The following CCNH variants were observed in gnomAD, a reference collection of about 807,000 sequenced individuals.
CCNH encodes the protein cyclin H.
A neutral mutation model predicts 41.9 loss-of-function variants in CCNH; 31 were observed. The ratio of observed to expected loss-of-function variants is 0.74; its 90% confidence interval spans 0.56 to 1.00. The LOEUF (loss-of-function observed/expected upper bound fraction) is 1.00, where lower values mean the gene tolerates loss of function less well. CCNH is among the 50% of genes least tolerant of loss of function. The probability of loss-of-function intolerance (pLI) is 0.00; values close to 1 mark genes in which losing one functional copy is unlikely to be tolerated. For synonymous variants in CCNH, 138 were observed against 136.1 expected (o/e 1.01, Z -0.10); for missense variants, 362 against 388.4 (o/e 0.93, Z 0.57).
intron 9 of CCNH, chr5:87,332,769 G>A (rs1026960126): frequency 1.1e-4 from 101 of 959,528 alleles, no homozygotes; most frequent in African/African-American, 4.3e-4. Context: ...ATTTTAATTC[G>A]GGTTATAATG....
At position 87,386,248 on chromosome 5, in the gene CCNH, A is replaced by T. The variant is rs1170469845; in HGVS notation, c.*90+6522T>A. On this transcript the variant is annotated intron_variant and NMD_transcript_variant, in intron 9 of 9. Transcript: ENST00000645953. ...CATTGAGTTTCTTACTGATTTTAAAAGAGTGTGTTAATCTTAACATTTTCC... is the reference window on the plus strand; with the variant it reads ...CATTGAGTTTCTTACTGATTTTAAATGAGTGTGTTAATCTTAACATTTTCC... Among the ~76,000 whole-genome samples the T allele has an allele frequency of 2.6e-5, 4 of 152,056 alleles. No homozygotes were observed. The East Asian group carries it at 5.8e-4, about 22-fold the overall frequency.
At position 87,333,459 on chromosome 5, in the gene CCNH, T is replaced by A. The variant is rs910367812; in HGVS notation, c.*91-14562A>T. ...ATGGCATACAGCAAGGTGAAAGAGC[T>A]TTTGATATTGGGTCTGTTGGTCCTG... On this transcript the variant is annotated intron_variant and NMD_transcript_variant, in intron 9 of 9. Coordinates refer to the CCNH transcript ENST00000645953. The A allele has an allele frequency of 3.5e-6, 5 of 1,444,606 alleles. No individual in the cohort carries two copies. In the African/African-American group the frequency reaches 5.8e-5, roughly 17 times the overall value. The allele number at this position is 1,444,606 out of a possible 1,614,324, so 89.5% of individuals were successfully genotyped here.
At chr5:87,386,878 T>A, downstream of CCNH, 1 of 1,612,538 alleles carries the variant, frequency 6.2e-7, no homozygotes, top group Non-Finnish European at 8.5e-7. Context: ...AAACATCGTA[T>A]GATCATGTTT....
At chr5:87,340,756 A>G (rs950258139) in intron 9 of CCNH, among the ~76,000 whole-genome samples, 3 of 152,164 alleles carry the variant, frequency 2.0e-5, no homozygotes, top group Non-Finnish European at 2.9e-5. Flanking sequence ...TTATCTAACA[A>G]GTAGAAAGCA....
At chr5:87,396,078 C>G (rs192896729) in intron 7 of CCNH, among the ~76,000 whole-genome samples, 135 of 150,434 alleles carry the variant, frequency 9.0e-4, no homozygotes, top group Non-Finnish European at 2.4e-4. Flanking sequence ...TGAACATGTA[C>G]AGAATTTTTT....
chr5:87,367,742 A>G (rs980841242), intron 9 of CCNH, among the ~76,000 whole-genome samples: 1 of 152,160 alleles, frequency 6.6e-6, no homozygotes, highest in Non-Finnish European at 1.5e-5. Flanking sequence ...ACATTTATTT[A>G]TGAAAATGTT....
intron 9 of CCNH, among the ~76,000 whole-genome samples, chr5:87,362,950 T>C (rs1336985228): frequency 6.6e-6 from 1 of 151,504 alleles, no homozygotes; most frequent in East Asian, 1.9e-4. Context: ...GGCACATTCA[T>C]AATATTGATA....
At chr5:87,329,805 A>T (rs1465881269) in intron 9 of CCNH, among the ~76,000 whole-genome samples, 1 of 152,194 alleles carries the variant, frequency 6.6e-6, no homozygotes, top group African/African-American at 2.4e-5. Flanking sequence ...AGGATATCCC[A>T]TATATTTTCA....
chr5:87,332,869 G>A (rs1757696898), intron 9 of CCNH, among the ~76,000 whole-genome samples: 1 of 151,992 alleles, frequency 6.6e-6, no homozygotes, highest in Non-Finnish European at 1.5e-5. Flanking sequence ...AGAAAATACT[G>A]TATGGTGATA....
In CCNH at chr5:87,394,954, T is replaced by G. The variant is rs777558906; in HGVS notation, c.933+90A>C. Reference sequence around the variant, plus strand: ...AAAAAACCCACAACTCTATAATGCCTGTACTCTTGGAGAATAAATCTTAAC... The same window carrying G: ...AAAAAACCCACAACTCTATAATGCCGGTACTCTTGGAGAATAAATCTTAAC... On this transcript the variant is annotated intron_variant, in intron 8 of 8. Coordinates refer to ENST00000256897, the MANE Select transcript of CCNH (RefSeq NM_001239.4). 7 of 1,598,114 alleles carry G rather than the reference T, an allele frequency of 4.4e-6. No individual in the cohort carries two copies. The East Asian group carries it at 1.6e-4, about 36-fold the overall frequency.
At chr5:87,322,412 C>G (rs1756893105) in intron 9 of CCNH, among the ~76,000 whole-genome samples, 1 of 152,206 alleles carries the variant, frequency 6.6e-6, no homozygotes, top group African/African-American at 2.4e-5. Context: ...ATGATCTGAG[C>G]TGAAACAGTT....
At chr5:87,380,494 G>A (rs879849698), upstream of CCNH, 1 of 1,598,978 alleles carries the variant, frequency 6.3e-7, no homozygotes, top group Non-Finnish European at 8.6e-7. Context: ...TGAGATGATT[G>A]TGTTATTTTG....
intron 9 of CCNH, among the ~76,000 whole-genome samples, chr5:87,347,985 G>T (rs1017170738): frequency 5.9e-5 from 9 of 151,914 alleles, no homozygotes; most frequent in African/African-American, 1.9e-4. Flanking sequence ...GCTCTTTTGA[G>T]GATCTGGTGG....
chr5:87,406,216 C>T (rs1052807947), intron 4 of CCNH, among the ~76,000 whole-genome samples: 2 of 152,068 alleles, frequency 1.3e-5, no homozygotes, highest in Non-Finnish European at 2.9e-5. Flanking sequence ...GCTATTATTC[C>T]CTCTAAGGCC....
chr5:87,323,422 G>A (rs1217708303), intron 9 of CCNH, among the ~76,000 whole-genome samples: 1 of 152,102 alleles, frequency 6.6e-6, no homozygotes, highest in African/African-American at 2.4e-5. Context: ...GGAGAGAGTG[G>A]ATAATGCCTG....
At chr5:87,329,919 A>G (rs1389104390) in intron 9 of CCNH, among the ~76,000 whole-genome samples, 2 of 152,292 alleles carry the variant, frequency 1.3e-5, no homozygotes, top group East Asian at 1.9e-4. Context: ...TAAACTTTCC[A>G]TTTCAGATTT....
In CCNH at chr5:87,332,549, T is replaced by G. The variant is rs1480954741; in HGVS notation, c.*91-13652A>C. On this transcript the variant is annotated intron_variant and NMD_transcript_variant, in intron 9 of 9. Transcript: ENST00000645953. ...GAGATTACTACATTGGTGGAAGACGTTTTTCTTCACTGTCAGACCTAATAG... is the reference window on the plus strand; with the variant it reads ...GAGATTACTACATTGGTGGAAGACGGTTTTCTTCACTGTCAGACCTAATAG... 28 of 1,608,126 alleles carry G rather than the reference T, an allele frequency of 1.7e-5. No individual in the cohort carries two copies. The highest frequency in any genetic ancestry group is 2.4e-5 in the Non-Finnish European group (28 of 1,174,924).
chr5:87,403,231 A>C (rs1580453065), intron 5 of CCNH, among the ~76,000 whole-genome samples: 2 of 147,668 alleles, frequency 1.4e-5, no homozygotes, highest in East Asian at 3.9e-4. Context: ...CCTAAAGGAA[A>C]AAAAAAAAAA....
At chr5:87,394,691 G>A (rs1762778573) in intron 8 of CCNH, 1 of 1,348,634 alleles carries the variant, frequency 7.4e-7, no homozygotes, top group Non-Finnish European at 9.5e-7. Flanking sequence ...TTATGGCTGT[G>A]ACCTTTTGCC....
Sources: allele counts gnomAD v4.1 joint callset (sites outside exome capture counted in the v4.1 genomes callset), GRCh38; gene constraint gnomAD v4.1.1; transcripts MANE v1.5; gene names NCBI Gene and HGNC (gene_info 2026-07-23, HGNC 2026-07-21).